The following HCFC1 variants were observed in gnomAD, a reference collection of about 807,000 sequenced individuals.
HCFC1 encodes the protein host cell factor 1.
Under a neutral mutation model 105.5 loss-of-function variants are expected in HCFC1, and 7 were observed. The observed-to-expected ratio is 0.07, with a 90% CI of 0.04 to 0.12. HCFC1 has a LOEUF of 0.12. HCFC1 is among the 10% of genes least tolerant of loss of function. The pLI is 1.00. For missense variants in HCFC1, 1,065 were observed against 1,823.6 expected, an observed-to-expected ratio of 0.58 and a Z score of 7.58; for synonymous variants, 918 against 828.1, an observed-to-expected ratio of 1.11 and a Z score of -1.86.
chrX:153,967,579 A>C (rs782668014), intron 1 of HCFC1, among the ~76,000 whole-genome samples: 31 of 111,338 alleles, frequency 2.8e-4, no homozygotes, highest in Non-Finnish European at 5.5e-4. Flanking sequence ...TTGTGCTCAT[A>C]CTCCCAATGG....
chrX:153,956,557 G>A, intron 15 of HCFC1, 68 bp downstream of exon 15: 4 of 1,174,485 alleles, frequency 3.4e-6, no homozygotes, highest in South Asian at 3.6e-5. Flanking sequence ...TGTGCCATGG[G>A]GATTGAAGGC....
intron 1 of HCFC1, among the ~76,000 whole-genome samples, chrX:153,968,508 G>A (rs1265154642): frequency 1.8e-5 from 2 of 112,205 alleles, no homozygotes; most frequent in East Asian, 2.8e-4. Context: ...CTGCTCTCTC[G>A]TCTGAGGAAT....
chrX:153,969,996 G>T (rs1471072333), intron 1 of HCFC1: 1 of 113,258 alleles, frequency 8.8e-6, no homozygotes, highest in East Asian at 2.8e-4. Context: ...GGTCCCCAAG[G>T]CTCCGGCATT....
chrX:153,964,432 C>G (rs1557117835), intron 2 of HCFC1, 146 bp downstream of exon 2: 10 of 873,717 alleles, frequency 1.1e-5, no homozygotes, highest in South Asian at 1.1e-4. Flanking sequence ...GTCCTTGCTG[C>G]CTTCTTCTGA....
intron 1 of HCFC1, 116 bp downstream of exon 1, chrX:153,970,532 G>C (rs1399057257): frequency 2.1e-6 from 1 of 482,582 alleles, no homozygotes; most frequent in African/African-American, 2.7e-5. Flanking sequence ...GGTGAGGGAG[G>C]AGATGGAGGG....
chrX:153,953,537 C>A, intron 18 of HCFC1, 70 bp downstream of exon 18: 1 of 1,058,027 alleles, frequency 9.5e-7, no homozygotes, highest in Non-Finnish European at 1.3e-6. Context: ...CGACATCTGG[C>A]GTCTGAGTGT....
intron 2 of HCFC1, 31 bp downstream of exon 2, chrX:153,964,547 G>A (rs1557117853): frequency 1.2e-5 from 14 of 1,174,971 alleles, no homozygotes; most frequent in Non-Finnish European, 1.6e-5. Flanking sequence ...TGGGGCCAAG[G>A]AGGCAGAGTG....
intron 13 of HCFC1, 98 bp downstream of exon 13, chrX:153,957,216 G>A (rs781988416): frequency 2.0e-5 from 20 of 978,810 alleles, no homozygotes; most frequent in Middle Eastern, 7.9e-4. Flanking sequence ...GATAGAAAAG[G>A]GTAAACTAAA....
Position 153,951,670 on chromosome X carries a change from C to T in HCFC1, c.5298G>A (p.Pro1766=), listed in dbSNP as rs377035512. 1,248 of 1,209,255 alleles carry T rather than the reference C, an allele frequency of 1.0e-3. 2 individuals are homozygous for T. The highest frequency in any genetic ancestry group is 4.6e-3 in the Middle Eastern group (20 of 4,351). Residue 1766 remains proline, a synonymous_variant, in exon 21 of 26, where the codon CCG becomes CCA. Transcript: ENST00000310441. Reference sequence around the variant, plus strand: ...GCTTGGCTGGGCTGGCCACCACAACCGGCTGGGGGGCCACAAATGTGTTGG... The same window carrying T: ...GCTTGGCTGGGCTGGCCACCACAACTGGCTGGGGGGCCACAAATGTGTTGG... ...APSNTFVAPQ[P]VVVASPAKLQ...
intron 23 of HCFC1, 67 bp downstream of exon 23, chrX:153,950,746 C>G: frequency 9.3e-7 from 1 of 1,072,843 alleles, no homozygotes; most frequent in Non-Finnish European, 1.3e-6. Context: ...CCCCCCCCGG[C>G]CACCTCATGT....
intron 1 of HCFC1, among the ~76,000 whole-genome samples, chrX:153,969,026 G>C (rs1185302045): frequency 8.9e-6 from 1 of 112,280 alleles, no homozygotes; most frequent in African/African-American, 3.2e-5. Context: ...GACCTGGAAC[G>C]AAAAACGGTC....
chrX:153,951,440 T>C lies in HCFC1; in HGVS notation c.5427A>G (p.Glu1809=). ...PPPSKAPMKK[E]NQWFDVGVIK... ...TGACTCCCACATCAAACCACTGGTT[T>C]TCCTTCTTCATGGGGGCTTTGCTGG... is the stretch of plus-strand genomic sequence containing the variant. The change falls in exon 22 of 26, where the codon GAA becomes GAG. Residue 1809 remains glutamate (E), a synonymous_variant. Transcript: ENST00000310441. The C allele has an allele frequency of 8.3e-7, 1 of 1,211,219 alleles. No individual in the cohort carries two copies. The highest frequency in any genetic ancestry group is 1.1e-6 in the Non-Finnish European group (1 of 895,147).
chrX:153,964,852 G>A lies in HCFC1; in HGVS notation c.194-126C>T, dbSNP rs368357302. 6.4e-5 allele frequency: 42 copies of A among 660,751 alleles called. No homozygotes were observed. The East Asian group carries it at 9.5e-4, about 15-fold the overall frequency. The allele number at this position is 660,751 out of a possible 1,213,427, so 54.5% of individuals were successfully genotyped here. On this transcript the variant is annotated intron_variant, in intron 1 of 25. Coordinates refer to ENST00000310441, the MANE Select transcript of HCFC1 (RefSeq NM_005334.3). ...CAGCACCATCCCTGCGGGCGCTCTA[G>A]CAACTCCAGCTGCGCTACCTGGGCC...
At chrX:153,958,457 C>T in intron 10 of HCFC1, 112 bp downstream of exon 10, 1 of 777,057 alleles carries the variant, frequency 1.3e-6, no homozygotes, top group Non-Finnish European at 1.9e-6. Flanking sequence ...GCCATGACGC[C>T]CCTAATGGAG....
intron 22 of HCFC1, 51 bp from the exon 23 acceptor site, chrX:153,951,049 G>A (rs373352166): frequency 1.1e-4 from 122 of 1,085,984 alleles, no homozygotes; most frequent in Non-Finnish European, 1.5e-4. Flanking sequence ...GCAGCTCTGG[G>A]CCACCCCAGG....
At chrX:153,967,402 G>A (rs1557118617) in intron 1 of HCFC1, among the ~76,000 whole-genome samples, 1 of 112,349 alleles carries the variant, frequency 8.9e-6, no homozygotes, top group Non-Finnish European at 1.9e-5. Flanking sequence ...TGCTCTGCAA[G>A]CTCCATCCCT....
chrX:153,969,098 G>A (rs1394547652), intron 1 of HCFC1, among the ~76,000 whole-genome samples: 1 of 111,790 alleles, frequency 8.9e-6, no homozygotes, highest in African/African-American at 3.3e-5. Context: ...CCGAGATGTG[G>A]AGAAACCAGC....
chrX:153,957,183 G>A, intron 13 of HCFC1, 123 bp from the exon 14 acceptor site: 10 of 976,706 alleles, frequency 1.0e-5, no homozygotes, highest in Non-Finnish European at 1.4e-5. Context: ...ACTACCCTTA[G>A]ACACAAAAGG....
At chrX:153,960,586 A>C (rs1332358665) in intron 6 of HCFC1, among the ~76,000 whole-genome samples, 172 bp from the exon 7 acceptor site, 1 of 112,541 alleles carries the variant, frequency 8.9e-6, no homozygotes, top group Non-Finnish European at 1.9e-5. Flanking sequence ...AAGCAACACA[A>C]AAAATAAAAT....
Sources: allele counts gnomAD v4.1 joint callset (sites outside exome capture counted in the v4.1 genomes callset), GRCh38; gene constraint gnomAD v4.1.1; transcripts MANE v1.5; gene names NCBI Gene and HGNC (gene_info 2026-07-23, HGNC 2026-07-21).